ODF2L: variants seen among roughly 807,000 people sequenced by gnomAD.
The protein encoded by ODF2L is outer dense fiber of sperm tails 2 like.
In ODF2L, 76 loss-of-function variants were observed where a neutral mutation model predicts 86.3. The observed-to-expected ratio is 0.88, with a 90% CI of 0.73 to 1.07. The LOEUF is 1.07. ODF2L is among the 50% of genes least tolerant of loss of function. The pLI is 0.00. For synonymous variants in ODF2L, 241 were observed against 231.3 expected (o/e 1.04, Z -0.38); for missense variants, 748 against 717.4 (o/e 1.04, Z -0.49).
intron 16 of ODF2L, among the ~76,000 whole-genome samples, chr1:86,353,399 G>A (rs1208129180): frequency 6.6e-6 from 1 of 152,028 alleles, no homozygotes; most frequent in Non-Finnish European, 1.5e-5. Context: ...GCAGGAATTG[G>A]TATACACACT....
At chr1:86,376,707 A>C (rs1445781725) in intron 7 of ODF2L, among the ~76,000 whole-genome samples, 2 of 152,142 alleles carry the variant, frequency 1.3e-5, no homozygotes, top group African/African-American at 2.4e-5. Flanking sequence ...CAAAGGGGGA[A>C]GAGCCCCTTA....
chr1:86,391,490 G>A (rs1055439293), intron 1 of ODF2L, among the ~76,000 whole-genome samples: 5 of 152,170 alleles, frequency 3.3e-5, no homozygotes, highest in South Asian at 4.1e-4. Context: ...ATAGACCAAT[G>A]GAACAGAATA....
At chr1:86,381,598 C>T (rs537839607) in intron 7 of ODF2L, among the ~76,000 whole-genome samples, 3 of 151,750 alleles carry the variant, frequency 2.0e-5, no homozygotes, top group South Asian at 4.2e-4. Context: ...GGGAATATTG[C>T]TTCTTTGCCT....
At chr1:86,365,268 AC>A (rs1659321352) in intron 11 of ODF2L, among the ~76,000 whole-genome samples, 1 of 152,202 alleles carries the variant, frequency 6.6e-6, no homozygotes, top group African/African-American at 2.4e-5. Flanking sequence ...AGTGCCTCCT[AC>A]ATTAATGGTA....
chr1:86,378,854 T>G (rs1660365075), intron 7 of ODF2L, among the ~76,000 whole-genome samples: 1 of 151,540 alleles, frequency 6.6e-6, no homozygotes, highest in Non-Finnish European at 1.5e-5. Context: ...CCAAACTATA[T>G]AGGTTTGGAT....
rs1163757177 is a variant in ODF2L at position 86,392,880 on chromosome 1, T to A, written c.-60+3153A>T. ...GCAATTTTAAAATATTTTAAAATGT[T>A]TAAAGATTTAAATTTCCTATACAGA... On this transcript the variant is annotated intron_variant, in intron 1 of 17. Coordinates refer to ENST00000317336, the Ensembl canonical transcript of ODF2L. Among the ~76,000 whole-genome samples, 6 of 152,240 alleles carry A rather than the reference T, an allele frequency of 3.9e-5. No individual in the cohort carries two copies. In the East Asian group the frequency reaches 1.2e-3, roughly 29 times the overall value.
chr1:86,385,466 A>G (rs1217641292), exon 3 of ODF2L: 2 of 1,577,704 alleles, frequency 1.3e-6, no homozygotes, highest in Admixed American at 3.4e-5. Context: ...ACATTTTCAA[A>G]ATTAATCTTT....
rs897674050 is a variant in ODF2L at position 86,376,430 on chromosome 1, A to G, written c.625-12T>C. 1 of 1,495,686 alleles carries G rather than the reference A, an allele frequency of 6.7e-7. No homozygotes were observed. Among genetic ancestry groups the G allele is most frequent in the East Asian group, 2.3e-5 (1 of 44,186 alleles). 92.7% of individuals were successfully genotyped at this position (1,495,686 alleles called of 1,614,324 possible). A position where few individuals can be genotyped will look rare whatever the true frequency, so the allele number is the denominator to read the frequency against. Reference sequence around the variant, plus strand: ...TTGGTTTCTAAGCTCTAAAAAAAAAATTAGCAACAATTAAATTATTTCAGA... The same window carrying G: ...TTGGTTTCTAAGCTCTAAAAAAAAAGTTAGCAACAATTAAATTATTTCAGA... On this transcript the variant is annotated splice_polypyrimidine_tract_variant and intron_variant, in intron 7 of 17. Coordinates refer to ENST00000317336, the Ensembl canonical transcript of ODF2L.
intron 7 of ODF2L, among the ~76,000 whole-genome samples, chr1:86,380,256 G>T (rs890462529): frequency 6.6e-6 from 1 of 152,050 alleles, no homozygotes; most frequent in South Asian, 2.1e-4. Flanking sequence ...TTGAGATTAA[G>T]AAGTATATAT....
intron 9 of ODF2L, among the ~76,000 whole-genome samples, chr1:86,371,927 C>T (rs1001615725): frequency 2.0e-5 from 3 of 152,110 alleles, no homozygotes; most frequent in Admixed American, 1.3e-4. Context: ...GTGGCTCACG[C>T]CTGTAATCCC....
Position 86,373,492 on chromosome 1 carries a change from C to CTA in ODF2L, c.811-954_811-953dup, listed in dbSNP as rs571439190. 2.5e-4 allele frequency among the ~76,000 whole-genome samples: 37 copies of CTA among 148,150 alleles called. No homozygotes were observed. The East Asian group carries it at 3.3e-3, about 13-fold the overall frequency. ...ATATATCTAGATACATATGTATATA[C>CTA]TATATATATATGTTATACATATATA... On this transcript the variant is annotated intron_variant, in intron 8 of 17. Coordinates refer to ENST00000317336, the Ensembl canonical transcript of ODF2L.
chr1:86,356,355 A>G, intron 14 of ODF2L, 89 bp downstream of exon 13: 2 of 1,001,596 alleles, frequency 2.0e-6, no homozygotes, highest in Non-Finnish European at 2.9e-6. Flanking sequence ...TTAAAAATCA[A>G]GCCCTGACAT....
chr1:86,360,561 TAA>T (rs1658960173), intron 11 of ODF2L, 25 bp from the exon 11 acceptor site: 1 of 1,111,642 alleles, frequency 9.0e-7, no homozygotes. Flanking sequence ...ATAGATTTTA[TAA>T]GTCATTAGAA....
At chr1:86,392,949 C>A (rs1661433400) in intron 1 of ODF2L, among the ~76,000 whole-genome samples, 1 of 152,078 alleles carries the variant, frequency 6.6e-6, no homozygotes, top group African/African-American at 2.4e-5. Flanking sequence ...GTACTTAAAG[C>A]TTTTTCCAGG....
intron 12 of ODF2L, among the ~76,000 whole-genome samples, chr1:86,359,840 ACT>A (rs1206072074): frequency 6.6e-6 from 1 of 151,296 alleles, no homozygotes; most frequent in Non-Finnish European, 1.5e-5. Context: ...TTTAATTCAA[ACT>A]CTCTCTGACC....
chr1:86,361,020 T>A, intron 11 of ODF2L: 1 of 152,218 alleles, frequency 6.6e-6, no homozygotes, highest in East Asian at 1.9e-4. Context: ...ATAAAAACTT[T>A]AAAAATTTTC....
At chr1:86,390,258 TAAAAATACA>T (rs761454882) in intron 1 of ODF2L, among the ~76,000 whole-genome samples, 36 of 152,000 alleles carry the variant, frequency 2.4e-4, no homozygotes, top group Non-Finnish European at 4.3e-4. Flanking sequence ...CTGTCTCTAC[TAAAAATACA>T]AAAATTAGCT....
At chr1:86,355,245 A>C (rs1658451200) in intron 14 of ODF2L, 2 of 783,746 alleles carry the variant, frequency 2.6e-6, no homozygotes, top group African/African-American at 3.5e-5. Flanking sequence ...TCACCTAAAA[A>C]TACTGATTAA....
downstream of ODF2L, chr1:86,348,361 CATAAT>C (rs1657910897): frequency 2.6e-5 from 4 of 151,084 alleles, no homozygotes; most frequent in African/African-American, 7.3e-5. Flanking sequence ...ATTTATATAT[CATAAT>C]ATAAAACAAT....
Sources: allele counts gnomAD v4.1 joint callset (sites outside exome capture counted in the v4.1 genomes callset), GRCh38; gene constraint gnomAD v4.1.1; transcripts MANE v1.5; gene names NCBI Gene and HGNC (gene_info 2026-07-23, HGNC 2026-07-21).